The following BPIFB1 variants were observed in gnomAD, a reference collection of about 807,000 sequenced individuals.
BPIFB1 encodes the protein BPI fold containing family B member 1.
Under a neutral mutation model 55.1 loss-of-function variants are expected in BPIFB1, and 34 were observed. The ratio of observed to expected loss-of-function variants is 0.62; its 90% confidence interval spans 0.47 to 0.82. The LOEUF (loss-of-function observed/expected upper bound fraction) is 0.82, where lower values mean the gene tolerates loss of function less well. BPIFB1 is among the 40% of genes least tolerant of loss of function. The pLI is 0.00. For missense variants in BPIFB1, 532 were observed against 593.1 expected (o/e 0.90, Z 1.07); for synonymous variants, 236 against 245.3 (o/e 0.96, Z 0.35).
In BPIFB1 at chr20:33,287,886, T is replaced by TC. The variant is rs1176960249; in HGVS notation, c.116-848dup. Among the ~76,000 whole-genome samples the TC allele has an allele frequency of 4.6e-5, 7 of 151,356 alleles. No individual in the cohort carries two copies. The East Asian group carries it at 5.8e-4, about 13-fold the overall frequency. On this transcript the variant is annotated intron_variant, in intron 2 of 15. Transcript: ENST00000253354. ...AAGCACACCAGAGCCATGAAGGGAA[T>TC]CCCCCCCATGCCCCTCCAGAGTCTC... is the stretch of plus-strand genomic sequence containing the variant.
chr20:33,306,175 C>A, intron 14 of BPIFB1, 110 bp downstream of exon 14: 1 of 1,181,008 alleles, frequency 8.5e-7, no homozygotes. Flanking sequence ...AGCCATCCCT[C>A]AGAGCCTACT....
intron 4 of BPIFB1, among the ~76,000 whole-genome samples, chr20:33,290,453 G>T (rs968222371): frequency 1.4e-4 from 21 of 152,212 alleles, no homozygotes; most frequent in African/African-American, 4.8e-4. Context: ...ACCAGGGTTT[G>T]GGGCAGGGAG....
Position 33,290,923 on chromosome 20 carries a change from G to A in BPIFB1, c.366-34G>A, listed in dbSNP as rs758486375. 21 of 1,606,450 alleles carry A rather than the reference G, an allele frequency of 1.3e-5. No homozygotes were observed. In the East Asian group the frequency reaches 4.5e-4, roughly 34 times the overall value. On this transcript the variant is annotated intron_variant, in intron 4 of 15. Coordinates refer to ENST00000253354, the MANE Select transcript of BPIFB1 (RefSeq NM_033197.3). ...GGGTTGCTCCAGCCCGAGCTTGCCT[G>A]GTGCTCACATGGTCAGGTGCCTCCA... is the stretch of plus-strand genomic sequence containing the variant.
intron 6 of BPIFB1, 120 bp downstream of exon 6, chr20:33,292,108 T>G: frequency 1.1e-6 from 1 of 910,560 alleles, no homozygotes; most frequent in Non-Finnish European, 1.8e-6. Context: ...CTGAAAGAAT[T>G]ATCTGGGGCT....
At chr20:33,287,022 G>A (rs1980291163) in intron 2 of BPIFB1, among the ~76,000 whole-genome samples, 1 of 152,230 alleles carries the variant, frequency 6.6e-6, no homozygotes, top group Non-Finnish European at 1.5e-5. Flanking sequence ...GGCCAGAGGG[G>A]CAGGGGCAGG....
intron 6 of BPIFB1, among the ~76,000 whole-genome samples, chr20:33,295,727 AGG>A (rs1980625546): frequency 6.8e-6 from 1 of 147,906 alleles, no homozygotes; most frequent in African/African-American, 2.6e-5. Flanking sequence ...AAAGAGAGAG[AGG>A]GAAGGAAGGA....
chr20:33,305,316 CTT>C (rs34490442), intron 13 of BPIFB1, among the ~76,000 whole-genome samples: 84 of 106,162 alleles, frequency 7.9e-4, no homozygotes, highest in Admixed American at 3.9e-3. Flanking sequence ...CTATTTTTGA[CTT>C]TTTTTTTTTT....
Position 33,302,537 on chromosome 20 carries a change from T to C in BPIFB1, c.981+125T>C, listed in dbSNP as rs1980886689. On this transcript the variant is annotated intron_variant, in intron 10 of 15. Transcript: ENST00000253354. ...CACTGGGACACTCAAACCGCATCCC[T>C]GTCCGCACAGAGATTTCAGTCTAGC... 1.6e-5 allele frequency: 17 copies of C among 1,051,546 alleles called. No homozygotes were observed. In the South Asian group the frequency reaches 2.0e-4, roughly 12 times the overall value. The allele number at this position is 1,051,546 out of a possible 1,614,324, so 65.1% of individuals were successfully genotyped here.
intron 15 of BPIFB1, 116 bp downstream of exon 15, chr20:33,307,103 C>T (rs1981056509): frequency 1.1e-6 from 1 of 884,898 alleles, no homozygotes; most frequent in Admixed American, 2.0e-5. Flanking sequence ...CTGGGCAAGT[C>T]CCTTCCCCTC....
chr20:33,296,671 C>G (rs897639494), intron 6 of BPIFB1, among the ~76,000 whole-genome samples: 1 of 152,186 alleles, frequency 6.6e-6, no homozygotes, highest in Non-Finnish European at 1.5e-5. Context: ...GTTGTGACAA[C>G]TAAAAATGTC....
At chr20:33,305,786 C>T (rs1367381429) in intron 13 of BPIFB1, among the ~76,000 whole-genome samples, 1 of 152,052 alleles carries the variant, frequency 6.6e-6, no homozygotes, top group African/African-American at 2.4e-5. Context: ...ACCCCAATCC[C>T]CCCATCTACC....
At chr20:33,299,053 A>G in intron 7 of BPIFB1, 3 of 415,772 alleles carry the variant, frequency 7.2e-6, no homozygotes, top group Non-Finnish European at 1.5e-5. Context: ...CATCGTCTCT[A>G]TGTCCTTCCG....
chr20:33,304,858 C>T lies in BPIFB1; in HGVS notation c.1221C>T (p.Ile407=). The change falls in exon 13 of 16, where the codon ATC becomes ATT. Residue 407 remains isoleucine (I), a synonymous_variant. Coordinates refer to ENST00000253354, the MANE Select transcript of BPIFB1 (RefSeq NM_033197.3). ...LNLNNISSDR[I]QLMNSGIGWF... ...TCTTCCATTGCAGCTCTGATCGGAT[C>T]CAGCTGATGAACTCTGGGATTGGCT... is the stretch of plus-strand genomic sequence containing the variant. 6.2e-7 allele frequency: 1 copy of T among 1,614,174 alleles called. No individual in the cohort carries two copies. The highest frequency in any genetic ancestry group is 8.5e-7 in the Non-Finnish European group (1 of 1,180,034).
chr20:33,288,289 G>A (rs1278372671), intron 2 of BPIFB1, among the ~76,000 whole-genome samples: 1 of 152,198 alleles, frequency 6.6e-6, no homozygotes, highest in African/African-American at 2.4e-5. Flanking sequence ...CTCAGCACTT[G>A]AGGCTTTTTG....
rs375279712 is a variant in BPIFB1 at position 33,297,503 on chromosome 20, C to T, written c.598-22C>T. The T allele has an allele frequency of 2.8e-5, 45 of 1,613,796 alleles. No homozygotes were observed. The African/African-American group carries it at 4.3e-4, about 15-fold the overall frequency. On this transcript the variant is annotated intron_variant, in intron 6 of 15. Coordinates refer to ENST00000253354, the MANE Select transcript of BPIFB1 (RefSeq NM_033197.3). ...GCATTCTGGCCCCTCCCTGATGGAGCCCCTTGCTTATGCTGTTGCAGCTGT... is the reference window on the plus strand; with the variant it reads ...GCATTCTGGCCCCTCCCTGATGGAGTCCCTTGCTTATGCTGTTGCAGCTGT...
intron 2 of BPIFB1, among the ~76,000 whole-genome samples, chr20:33,287,180 C>T (rs1420066528): frequency 6.6e-6 from 1 of 152,204 alleles, no homozygotes; most frequent in Non-Finnish European, 1.5e-5. Flanking sequence ...CCAGAAGGAG[C>T]TTAGAGATGA....
intron 3 of BPIFB1, among the ~76,000 whole-genome samples, chr20:33,289,386 A>AC (rs1312994073): frequency 6.7e-6 from 1 of 150,114 alleles, no homozygotes; most frequent in East Asian, 1.9e-4. Context: ...TGTCTCAAAA[A>AC]AAAAAAAACA....
chr20:33,307,246 CTAAA>C (rs1387216548), intron 15 of BPIFB1: 1 of 469,880 alleles, frequency 2.1e-6, no homozygotes, highest in Non-Finnish European at 3.8e-6. Flanking sequence ...CAGTAATTCA[CTAAA>C]TATTTTTCGA....
rs148287138 is a variant in BPIFB1, at chr20:33,301,741, G to A, written c.927+329G>A. Among the ~76,000 whole-genome samples, 18 of 152,318 alleles carry A rather than the reference G, an allele frequency of 1.2e-4. No individual in the cohort carries two copies. The East Asian group carries it at 3.5e-3, about 29-fold the overall frequency. Reference sequence around the variant, plus strand: ...TCAGATAGTGAGTAGTCCAGGGATGGCGACTGTGCCACTGCTCACCACTAT... The same window carrying A: ...TCAGATAGTGAGTAGTCCAGGGATGACGACTGTGCCACTGCTCACCACTAT... On this transcript the variant is annotated intron_variant, in intron 9 of 15. Transcript: ENST00000253354.
Sources: allele counts gnomAD v4.1 joint callset (sites outside exome capture counted in the v4.1 genomes callset), GRCh38; gene constraint gnomAD v4.1.1; transcripts MANE v1.5; gene names NCBI Gene and HGNC (gene_info 2026-07-23, HGNC 2026-07-21).